Variants in DNAH9 observed in about 807,000 individuals in gnomAD.
DNAH9 encodes the protein DNAH9 variant protein.
In DNAH9, 345 loss-of-function variants were observed where a neutral mutation model predicts 471.6. The ratio of observed to expected loss-of-function variants is 0.73; its 90% confidence interval spans 0.67 to 0.80. The LOEUF is 0.80. Ranked by LOEUF, DNAH9 falls within the 30% of genes least tolerant of loss-of-function variation. The pLI is 0.00. For synonymous variants in DNAH9, 2,093 were observed against 2,123.6 expected, an observed-to-expected ratio of 0.99 and a Z score of 0.40; for missense variants, 5,407 against 5,609.2, an observed-to-expected ratio of 0.96 and a Z score of 1.15.
chr17:11,962,802 C>T lies in DNAH9; in HGVS notation c.13233+546C>T, dbSNP rs532015566. 6.6e-6 allele frequency among the ~76,000 whole-genome samples: 1 copy of T among 152,240 alleles called. No individual in the cohort carries two copies. Among genetic ancestry groups the T allele is most frequent in the African/African-American group, 2.4e-5 (1 of 41,560 alleles). On this transcript the variant is annotated intron_variant, in intron 68 of 68. Coordinates refer to ENST00000262442, the MANE Select transcript of DNAH9 (RefSeq NM_001372.4). This position sits in a 1 kb window ranked among gnomAD's most constrained non-coding sequence, Gnocchi z 4.1. ...CCTCACCTCCTTGGTCCACTTTCCA[C>T]ATTCATGAGCTCTCAAAGGGCAGGA...
intron 17 of DNAH9, among the ~76,000 whole-genome samples, chr17:11,678,697 G>T (rs1597467982): frequency 6.6e-6 from 1 of 151,778 alleles, no homozygotes; most frequent in Non-Finnish European, 1.5e-5. Flanking sequence ...TAGTTTCATA[G>T]TGAAGTGTTT....
chr17:11,726,205 A>G (rs1323082341), intron 27 of DNAH9, among the ~76,000 whole-genome samples: 2 of 152,258 alleles, frequency 1.3e-5, no homozygotes, highest in African/African-American at 2.4e-5. Flanking sequence ...GTCCTAAAGC[A>G]TGTAGTTTTC....
intron 19 of DNAH9, 104 bp downstream of exon 19, chr17:11,680,993 C>A: frequency 9.1e-7 from 1 of 1,095,426 alleles, no homozygotes; most frequent in Non-Finnish European, 1.3e-6. Context: ...AGCTGCAGAC[C>A]AGTTAATAAT....
chr17:11,927,724 TCA>T (rs1000540198), intron 62 of DNAH9, among the ~76,000 whole-genome samples: 1 of 152,180 alleles, frequency 6.6e-6, no homozygotes, highest in African/African-American at 2.4e-5. Flanking sequence ...AAAGCAAGGC[TCA>T]CAGTCTTCCC....
intron 67 of DNAH9, among the ~76,000 whole-genome samples, chr17:11,946,860 C>T (rs2151437109): frequency 6.6e-6 from 1 of 152,138 alleles, no homozygotes; most frequent in East Asian, 1.9e-4. Flanking sequence ...TTGGACAAAC[C>T]CAAATGCTGT....
Position 11,885,159 on chromosome 17 carries a change from G to A in DNAH9, c.10971+1409G>A, listed in dbSNP as rs1972841420. Among the ~76,000 whole-genome samples the A allele has an allele frequency of 2.0e-5, 3 of 152,178 alleles. No homozygotes were observed. The South Asian group carries it at 6.2e-4, about 32-fold the overall frequency. On this transcript the variant is annotated intron_variant, in intron 56 of 68. Coordinates refer to ENST00000262442, the MANE Select transcript of DNAH9 (RefSeq NM_001372.4). ...CTATAATCCTAGGCTTTTAGGGCCT[G>A]GCCCTCTAAGGAAGAAAGACAAGTA...
chr17:11,907,655 T>C (rs942548172), intron 61 of DNAH9, among the ~76,000 whole-genome samples: 3 of 152,074 alleles, frequency 2.0e-5, no homozygotes, highest in Admixed American at 6.6e-5. Context: ...AAGTCTAGTA[T>C]TGATTATGGA....
chr17:11,848,658 C>T (rs1483803508), intron 49 of DNAH9, among the ~76,000 whole-genome samples: 1 of 151,950 alleles, frequency 6.6e-6, no homozygotes, highest in South Asian at 2.1e-4. Context: ...AAGAAGATTG[C>T]CGTAAGTAAC....
intron 49 of DNAH9, among the ~76,000 whole-genome samples, chr17:11,836,076 G>A (rs1970841475): frequency 6.6e-6 from 1 of 152,228 alleles, no homozygotes; most frequent in Non-Finnish European, 1.5e-5. Flanking sequence ...CATATTTCAT[G>A]TGAAAAGGGG....
At chr17:11,614,773 G>A (rs936497511) in intron 4 of DNAH9, among the ~76,000 whole-genome samples, 2 of 86 alleles carry the variant, frequency 0.023, no homozygotes, top group East Asian at 0.25. Context: ...CCTGATAGAC[G>A]GTGGAAGGCA....
intron 49 of DNAH9, among the ~76,000 whole-genome samples, chr17:11,839,515 C>CAA (rs1187144134): frequency 1.9e-5 from 2 of 106,150 alleles, no homozygotes; most frequent in Admixed American, 9.9e-5. Flanking sequence ...GACTCTGTCT[C>CAA]AAAAAAAAAA....
chr17:11,952,400 C>G (rs1253364503), intron 67 of DNAH9, among the ~76,000 whole-genome samples: 1 of 144,896 alleles, frequency 6.9e-6, no homozygotes, highest in Non-Finnish European at 1.5e-5. Context: ...TCAAAGTGCT[C>G]CTCCTGCCTT....
At chr17:11,677,145 G>T (rs2074061861) in intron 17 of DNAH9, among the ~76,000 whole-genome samples, 1 of 151,902 alleles carries the variant, frequency 6.6e-6, no homozygotes, top group Admixed American at 6.6e-5. Flanking sequence ...TATGCCTATT[G>T]TTCAAGTTTG....
At position 11,610,573 on chromosome 17, in the gene DNAH9, G is replaced by C. The variant is rs914206662; in HGVS notation, c.773+19G>C. 2.5e-6 allele frequency: 4 copies of C among 1,610,814 alleles called. No individual in the cohort carries two copies. In the African/African-American group the frequency reaches 5.3e-5, roughly 22 times the overall value. ...AGAGCAGGTAGGCAAGAAGGCACAT[G>C]CTGGAAGTCTGGGGTGAAGATGTCT... On this transcript the variant is annotated intron_variant, in intron 3 of 68. Coordinates refer to ENST00000262442, the MANE Select transcript of DNAH9 (RefSeq NM_001372.4).
intron 6 of DNAH9, among the ~76,000 whole-genome samples, chr17:11,628,101 C>CA (rs2073001717): frequency 6.6e-6 from 1 of 152,170 alleles, no homozygotes; most frequent in Non-Finnish European, 1.5e-5. Flanking sequence ...CAAAATGACA[C>CA]AAAGGGAACT....
chr17:11,619,082 A>G (rs1272942608), intron 5 of DNAH9, among the ~76,000 whole-genome samples: 3 of 152,230 alleles, frequency 2.0e-5, no homozygotes, highest in African/African-American at 4.8e-5. Flanking sequence ...GCCTTAGATG[A>G]TGTCAGCCAG....
In DNAH9 at chr17:11,892,312, G is replaced by C. The variant is rs1165584598; in HGVS notation, c.11283+365G>C. Among the ~76,000 whole-genome samples, 2 of 152,136 alleles carry C rather than the reference G, an allele frequency of 1.3e-5. No homozygotes were observed. The highest frequency in any genetic ancestry group is 2.4e-5 in the African/African-American group (1 of 41,430). On this transcript the variant is annotated intron_variant, in intron 58 of 68. Coordinates refer to ENST00000262442, the MANE Select transcript of DNAH9 (RefSeq NM_001372.4). This position sits in a 1 kb window ranked among gnomAD's most constrained non-coding sequence, Gnocchi z 4.3. Reference sequence around the variant, plus strand: ...CTTTTTGAAATGCTGTAAGAAATTTGGTAGAGTATCCATCATTGTTTATTT... The same window carrying C: ...CTTTTTGAAATGCTGTAAGAAATTTCGTAGAGTATCCATCATTGTTTATTT...
chr17:11,611,795 G>C lies in DNAH9; in HGVS notation c.904+15G>C, dbSNP rs761397139. Reference sequence around the variant, plus strand: ...TGTTGTTGCAGGTGAGGACCAGCAAGTGTTTTCACAAATGTGTTTGACTCA... The same window carrying C: ...TGTTGTTGCAGGTGAGGACCAGCAACTGTTTTCACAAATGTGTTTGACTCA... On this transcript the variant is annotated intron_variant, in intron 4 of 68. Transcript: ENST00000262442. The C allele has an allele frequency of 5.0e-6, 8 of 1,613,360 alleles. No individual in the cohort carries two copies. In the African/African-American group the frequency reaches 1.1e-4, roughly 22 times the overall value.
intron 32 of DNAH9, among the ~76,000 whole-genome samples, chr17:11,748,244 T>C (rs1042818618): frequency 6.6e-6 from 1 of 151,040 alleles, no homozygotes; most frequent in South Asian, 2.1e-4. Flanking sequence ...GAAGAATTGC[T>C]TGAACCCGGG....
Sources: gnomAD v4.1 joint callset for allele counts (sites outside exome capture counted in the v4.1 genomes callset) on GRCh38, gnomAD v4.1.1 for gene constraint, Gnocchi (gnomAD v3.1) non-coding constraint, MANE v1.5 for transcripts, NCBI Gene and HGNC (gene_info 2026-07-23, HGNC 2026-07-21) for gene names.